Variants in SMAD9 observed in about 807,000 individuals in gnomAD.
SMAD9 encodes the protein MAD homolog 9.
A neutral mutation model predicts 46.1 loss-of-function variants in SMAD9; 36 were observed. The observed-to-expected ratio is 0.78, with a 90% CI of 0.60 to 1.03. The LOEUF (loss-of-function observed/expected upper bound fraction) is 1.03, where lower values mean the gene tolerates loss of function less well. SMAD9 is among the 50% of genes least tolerant of loss of function. The pLI, the probability that SMAD9 is intolerant of heterozygous loss-of-function variation, is 0.00. For missense variants in SMAD9, 572 were observed against 599.8 expected, an observed-to-expected ratio of 0.95 and a Z score of 0.48; for synonymous variants, 245 against 237.1, an observed-to-expected ratio of 1.03 and a Z score of -0.31.
chr13:36,867,427 C>CCA (rs2058246248), intron 3 of SMAD9, 44 bp from the exon 4 acceptor site: 1 of 1,311,120 alleles, frequency 7.6e-7, no homozygotes. Context: ...AATCGATAAA[C>CCA]CACACAAAGA....
intron 3 of SMAD9, among the ~76,000 whole-genome samples, chr13:36,868,187 G>A (rs2058254018): frequency 6.6e-6 from 1 of 152,180 alleles, no homozygotes; most frequent in Admixed American, 6.5e-5. Flanking sequence ...AATTGCCAGT[G>A]GAGCTTGCTA....
At chr13:36,872,531 T>C (rs2058304521) in intron 3 of SMAD9, 127 bp downstream of exon 3, 4 of 1,113,372 alleles carry the variant, frequency 3.6e-6, no homozygotes, top group Non-Finnish European at 5.4e-6. Context: ...TTAAGGCTGA[T>C]TGCTTTGTAA....
chr13:36,914,250 T>C (rs776195398), intron 1 of SMAD9, among the ~76,000 whole-genome samples: 19 of 152,222 alleles, frequency 1.2e-4, no homozygotes, highest in Non-Finnish European at 2.6e-4. Context: ...CCAGGCGCGG[T>C]GGATCACGCC....
chr13:36,875,536 T>G (rs1022252699), intron 2 of SMAD9, among the ~76,000 whole-genome samples: 1 of 152,092 alleles, frequency 6.6e-6, no homozygotes, highest in Non-Finnish European at 1.5e-5. Flanking sequence ...ACCATTAAAT[T>G]CCCCTTAATG....
intron 1 of SMAD9, among the ~76,000 whole-genome samples, chr13:36,905,414 C>T (rs1029152085): frequency 1.5e-4 from 23 of 152,066 alleles, no homozygotes; most frequent in African/African-American, 5.6e-4. Flanking sequence ...TTCAGTAATA[C>T]TAATCAATAT....
intron 2 of SMAD9, among the ~76,000 whole-genome samples, chr13:36,878,562 T>C (rs1194770934): frequency 2.0e-5 from 3 of 152,204 alleles, no homozygotes; most frequent in African/African-American, 4.8e-5. Context: ...GTGATACCTG[T>C]CTGTACTTAA....
intron 1 of SMAD9, among the ~76,000 whole-genome samples, chr13:36,882,553 G>A (rs1030224041): frequency 6.6e-6 from 1 of 152,056 alleles, no homozygotes; most frequent in Non-Finnish European, 1.5e-5. Flanking sequence ...CCAAAACTGT[G>A]ATTTTACTGC....
chr13:36,862,627 CG>C (rs1371325304), intron 5 of SMAD9, among the ~76,000 whole-genome samples: 2 of 152,212 alleles, frequency 1.3e-5, no homozygotes, highest in East Asian at 3.8e-4. Flanking sequence ...CATTATCAGT[CG>C]AACAGCCCAT....
At chr13:36,910,670 CT>C in intron 1 of SMAD9, among the ~76,000 whole-genome samples, 1 of 152,332 alleles carries the variant, frequency 6.6e-6, no homozygotes, top group Middle Eastern at 3.4e-3. Flanking sequence ...GCAGCTCTAT[CT>C]TTCCTGCTCC....
chr13:36,851,614 A>G (rs1429153397), intron 6 of SMAD9: 1 of 404,788 alleles, frequency 2.5e-6, no homozygotes, highest in African/African-American at 2.2e-5. Context: ...GGTGCTCAAT[A>G]AACATTTGTT....
intron 5 of SMAD9, among the ~76,000 whole-genome samples, chr13:36,856,870 T>C (rs2058131705): frequency 6.7e-6 from 1 of 149,644 alleles, no homozygotes; most frequent in Non-Finnish European, 1.5e-5. Flanking sequence ...TGGCGCGATC[T>C]CGGCTCACTG....
chr13:36,885,566 C>T (rs2058438308), intron 1 of SMAD9, among the ~76,000 whole-genome samples: 1 of 152,084 alleles, frequency 6.6e-6, no homozygotes, highest in Non-Finnish European at 1.5e-5. Flanking sequence ...CATAATTTCA[C>T]CTTCTGGAAG....
rs143799493 is a variant in SMAD9, at chr13:36,868,003, T to C, written c.671-620A>G. On this transcript the variant is annotated intron_variant, in intron 3 of 6. Transcript: ENST00000379826. ...CATGAGGCACAGGAAAAACTCTTTA[T>C]GGAGGACCTCAGCACAAAACAACCA... Among the ~76,000 whole-genome samples the C allele has an allele frequency of 1.1e-3, 169 of 152,340 alleles. 1 individual carries two copies. In the East Asian group the frequency reaches 0.027, roughly 25 times the overall value.
chr13:36,867,141 T>C, intron 4 of SMAD9, 132 bp downstream of exon 4: 1 of 657,550 alleles, frequency 1.5e-6, no homozygotes. Context: ...AGCCATCCCA[T>C]TTGCCTCTTA....
At chr13:36,895,710 G>C (rs2058522485) in intron 1 of SMAD9, among the ~76,000 whole-genome samples, 1 of 152,158 alleles carries the variant, frequency 6.6e-6, no homozygotes, top group South Asian at 2.1e-4. Context: ...GCTAATGGCT[G>C]CACACAGATT....
At chr13:36,863,113 G>T (rs2058199054) in intron 5 of SMAD9, among the ~76,000 whole-genome samples, 1 of 152,150 alleles carries the variant, frequency 6.6e-6, no homozygotes. Context: ...AATGCATTTT[G>T]CAGATAACTT....
intron 1 of SMAD9, among the ~76,000 whole-genome samples, chr13:36,915,801 T>C (rs1295160010): frequency 6.6e-6 from 1 of 152,226 alleles, no homozygotes; most frequent in African/African-American, 2.4e-5. Flanking sequence ...ATGCCTTTTA[T>C]TTTAAATTCT....
chr13:36,898,188 G>A (rs1041691251), intron 1 of SMAD9, among the ~76,000 whole-genome samples: 5 of 151,962 alleles, frequency 3.3e-5, no homozygotes, highest in African/African-American at 1.2e-4. Context: ...AAGGGTGTGG[G>A]TTACCCTTAT....
intron 3 of SMAD9, among the ~76,000 whole-genome samples, chr13:36,870,828 G>A (rs1214950524): frequency 1.3e-5 from 2 of 152,090 alleles, no homozygotes; most frequent in Non-Finnish European, 2.9e-5. Context: ...CACTACTCTT[G>A]CACTCTGTGG....
Sources: gnomAD v4.1 joint callset for allele counts (sites outside exome capture counted in the v4.1 genomes callset) on GRCh38, gnomAD v4.1.1 for gene constraint, MANE v1.5 for transcripts, NCBI Gene and HGNC (gene_info 2026-07-23, HGNC 2026-07-21) for gene names.